Variants in MCMDC2 observed in about 807,000 individuals in gnomAD.
MCMDC2 encodes the protein minichromosome maintenance domain containing 2, also known as minichromosome maintenance domain-containing protein 2.
A neutral mutation model predicts 75.8 loss-of-function variants in MCMDC2; 54 were observed. That is an observed-to-expected ratio of 0.71 (90% CI 0.57 to 0.89). The LOEUF is 0.89. MCMDC2 is among the 40% of genes least tolerant of loss of function. The pLI, the probability that MCMDC2 is intolerant of heterozygous loss-of-function variation, is 0.00. For synonymous variants in MCMDC2, 249 were observed against 274.6 expected (o/e 0.91, Z 0.92); for missense variants, 656 against 780.4 (o/e 0.84, Z 1.90).
In MCMDC2 at chr8:66,907,661, A is replaced by G. The variant is rs1812958920; in HGVS notation, c.1879+2326A>G. The stretch of plus-strand genomic sequence containing the variant: ...GAGGAATCGCCACACTGTCTTTCAC[A>G]ATGTTTGAACTAATTTACAGTCCCA... On this transcript the variant is annotated intron_variant, in intron 14 of 14. Coordinates refer to ENST00000422365, the MANE Select transcript of MCMDC2 (RefSeq NM_173518.5). Among the ~76,000 whole-genome samples the G allele has an allele frequency of 2.6e-5, 4 of 152,148 alleles. No individual in the cohort carries two copies. In the South Asian group the frequency reaches 8.3e-4, roughly 32 times the overall value.
chr8:66,892,684 C>T (rs531770637), intron 10 of MCMDC2, among the ~76,000 whole-genome samples: 2 of 152,170 alleles, frequency 1.3e-5, no homozygotes, highest in African/African-American at 4.8e-5. Flanking sequence ...AGGAAGTTCT[C>T]ACTCCAGGTG....
At chr8:66,912,796 T>G (rs1206631520) in intron 14 of MCMDC2, among the ~76,000 whole-genome samples, 1 of 152,038 alleles carries the variant, frequency 6.6e-6, no homozygotes, top group Non-Finnish European at 1.5e-5. Flanking sequence ...TGGGGAGAGC[T>G]AGCGGAGGGA....
At chr8:66,912,912 C>T (rs1338266946) in intron 14 of MCMDC2, among the ~76,000 whole-genome samples, 1 of 151,860 alleles carries the variant, frequency 6.6e-6, no homozygotes, top group African/African-American at 2.4e-5. Flanking sequence ...TGCACATGTA[C>T]CCCAGAACTT....
At chr8:66,896,696 A>G in intron 11 of MCMDC2, 84 bp from the exon 12 acceptor site, 1 of 983,282 alleles carries the variant, frequency 1.0e-6, no homozygotes, top group Non-Finnish European at 1.4e-6. Context: ...AACAACATAT[A>G]ATAATTACTT....
downstream of MCMDC2, chr8:66,925,565 T>A (rs375938775): frequency 6.6e-6 from 1 of 152,118 alleles, no homozygotes; most frequent in Non-Finnish European, 1.5e-5. Flanking sequence ...GGAAGACAGC[T>A]CTTAGGCACT....
At chr8:66,891,898 T>C (rs1478787753) in intron 10 of MCMDC2, among the ~76,000 whole-genome samples, 3 of 152,204 alleles carry the variant, frequency 2.0e-5, no homozygotes. Flanking sequence ...GGAACAGGCA[T>C]ACTGCAAGTG....
At chr8:66,912,475 T>C (rs1458133161) in intron 14 of MCMDC2, among the ~76,000 whole-genome samples, 4 of 152,180 alleles carry the variant, frequency 2.6e-5, no homozygotes, top group Non-Finnish European at 4.4e-5. Context: ...TTTGAGAGGA[T>C]TGCCTGCAAT....
At chr8:66,896,679 T>C in intron 11 of MCMDC2, 101 bp from the exon 12 acceptor site, 5 of 834,350 alleles carry the variant, frequency 6.0e-6, no homozygotes, top group Non-Finnish European at 8.3e-6. Flanking sequence ...ATAATAACTT[T>C]AATAATAACA....
downstream of MCMDC2, chr8:66,922,552 C>A (rs774882831): frequency 1.9e-6 from 1 of 518,746 alleles, no homozygotes; most frequent in South Asian, 1.4e-5. Context: ...ATCATTGTGC[C>A]AGCTATTAAA....
chr8:66,896,726 A>T, intron 11 of MCMDC2, 54 bp from the exon 12 acceptor site: 1 of 1,316,164 alleles, frequency 7.6e-7, no homozygotes, highest in Non-Finnish European at 1.0e-6. Flanking sequence ...TTATTTCCAA[A>T]TTGTGAAAAT....
chr8:66,918,889 G>A (rs753261394), intron 14 of MCMDC2, 114 bp from the exon 15 acceptor site: 10 of 924,126 alleles, frequency 1.1e-5, no homozygotes, highest in Non-Finnish European at 1.4e-5. Flanking sequence ...GAACCACATG[G>A]GCTCAGACTT....
At chr8:66,924,407 A>T (rs1271273988), downstream of MCMDC2, among the ~76,000 whole-genome samples, 2 of 151,990 alleles carry the variant, frequency 1.3e-5, no homozygotes. Flanking sequence ...CGGGTGGATC[A>T]CGAGTGGTCA....
chr8:66,874,228 T>C lies in MCMDC2; in HGVS notation c.88T>C (p.Tyr30His). The C allele has an allele frequency of 6.2e-7, 1 of 1,611,952 alleles. No homozygotes were observed. Among genetic ancestry groups the C allele is most frequent in the Non-Finnish European group, 8.5e-7 (1 of 1,179,382 alleles). The change falls in exon 2 of 15, where the codon TAC becomes CAC. Residue 30 changes from tyrosine to histidine, a missense_variant. By Grantham distance (83) the Tyr-to-His change is moderately conservative (BLOSUM62 2). Coordinates refer to ENST00000422365, the MANE Select transcript of MCMDC2 (RefSeq NM_173518.5). Reference sequence around the variant, plus strand: ...AAAGTTTATAGATGATTGCAAGTACTACAATGGTACGTTCAGCAAAGGTGA... The same window carrying C: ...AAAGTTTATAGATGATTGCAAGTACCACAATGGTACGTTCAGCAAAGGTGA... ...LQKFIDDCKY[Y>H]NDSKQSYAVY...
intron 14 of MCMDC2, among the ~76,000 whole-genome samples, chr8:66,916,548 C>T (rs1372392703): frequency 6.6e-6 from 1 of 152,114 alleles, no homozygotes; most frequent in Non-Finnish European, 1.5e-5. Flanking sequence ...TAGCAGCCTT[C>T]GTGCCAGCAC....
At chr8:66,878,427 T>TTA in intron 5 of MCMDC2, 147 bp from the exon 6 acceptor site, 1 of 719,356 alleles carries the variant, frequency 1.4e-6, no homozygotes. Flanking sequence ...AGACTAATTT[T>TTA]AAAGGACTGT....
At chr8:66,896,565 A>G (rs1812361200) in intron 11 of MCMDC2, among the ~76,000 whole-genome samples, 1 of 152,126 alleles carries the variant, frequency 6.6e-6, no homozygotes, top group African/African-American at 2.4e-5. Flanking sequence ...TCTTTAATGA[A>G]TAATGTATAA....
chr8:66,912,094 A>G (rs908150307), intron 14 of MCMDC2, among the ~76,000 whole-genome samples: 3 of 152,198 alleles, frequency 2.0e-5, no homozygotes, highest in African/African-American at 7.2e-5. Flanking sequence ...TTGCCATTCT[A>G]GATGTGATTA....
At chr8:66,916,224 A>G (rs576536744) in intron 14 of MCMDC2, among the ~76,000 whole-genome samples, 20 of 152,242 alleles carry the variant, frequency 1.3e-4, no homozygotes, top group African/African-American at 4.8e-4. Flanking sequence ...AAAGACAGGA[A>G]GATCAACAAG....
intron 12 of MCMDC2, among the ~76,000 whole-genome samples, chr8:66,900,330 C>T (rs1166052019): frequency 6.6e-5 from 10 of 151,678 alleles, no homozygotes; most frequent in African/African-American, 1.2e-4. Flanking sequence ...CCCAGCTACT[C>T]GGGAGGCTGA....
Sources: gnomAD v4.1 joint callset for allele counts (sites outside exome capture counted in the v4.1 genomes callset) on GRCh38, gnomAD v4.1.1 for gene constraint, MANE v1.5 for transcripts, NCBI Gene and HGNC (gene_info 2026-07-23, HGNC 2026-07-21) for gene names.